Variants in C12orf42 observed in about 807,000 individuals in gnomAD.
The protein encoded by C12orf42 is chromosome 12 open reading frame 42.
In C12orf42, 25 loss-of-function variants were observed where a neutral mutation model predicts 21.6. That is an observed-to-expected ratio of 1.16 (90% CI 0.84 to 1.62). The LOEUF (loss-of-function observed/expected upper bound fraction) is 1.62, where lower values mean the gene tolerates loss of function less well. C12orf42 is among the 40% of genes most tolerant of loss of function. The probability of loss-of-function intolerance (pLI) is 0.00; values close to 1 mark genes in which losing one functional copy is unlikely to be tolerated. For synonymous variants in C12orf42, 174 were observed against 175.0 expected, an observed-to-expected ratio of 0.99 and a Z score of 0.05; for missense variants, 483 against 459.3, an observed-to-expected ratio of 1.05 and a Z score of -0.47.
At chr12:103,437,288 C>CA (rs1950804101) in intron 2 of C12orf42, among the ~76,000 whole-genome samples, 1 of 152,016 alleles carries the variant, frequency 6.6e-6, no homozygotes, top group Non-Finnish European at 1.5e-5. Context: ...CACTAAATGC[C>CA]ACAAGAGAAA....
At chr12:103,262,296 C>T (rs1681536327) in intron 10 of C12orf42, 1 of 152,098 alleles carries the variant, frequency 6.6e-6, no homozygotes, top group Non-Finnish European at 1.5e-5. Flanking sequence ...ATCAAAATGT[C>T]CAATCATAAA....
chr12:103,395,973 C>T (rs1411430235), intron 3 of C12orf42, among the ~76,000 whole-genome samples: 2 of 148,072 alleles, frequency 1.4e-5, no homozygotes, highest in Non-Finnish European at 3.0e-5. Context: ...TGTTTATATA[C>T]TGTTATGGTA....
chr12:103,147,293 CA>C, the C12orf42 span, among the ~76,000 whole-genome samples: 1 of 151,958 alleles, frequency 6.6e-6, no homozygotes, highest in African/African-American at 2.4e-5. Context: ...TTCTAGTTTT[CA>C]TTTTTCTAAG....
chr12:103,507,256 A>AAT, the C12orf42 span, among the ~76,000 whole-genome samples: 20 of 56,874 alleles, frequency 3.5e-4, 3 homozygotes, highest in African/African-American at 2.4e-3. Context: ...ATAATATATA[A>AAT]ATATATAATA....
chr12:103,418,779 T>G (rs2049596126), intron 2 of C12orf42, among the ~76,000 whole-genome samples: 1 of 151,354 alleles, frequency 6.6e-6, no homozygotes, highest in South Asian at 2.1e-4. Context: ...CAGAAAAAAA[T>G]GCTTTTAAAA....
the C12orf42 span, among the ~76,000 whole-genome samples, chr12:103,523,773 A>G: frequency 6.6e-6 from 1 of 151,804 alleles, no homozygotes; most frequent in African/African-American, 2.4e-5. Context: ...ATATATATAT[A>G]TCTTAAACCT....
intron 2 of C12orf42, among the ~76,000 whole-genome samples, chr12:103,425,649 A>G (rs1005135163): frequency 2.0e-5 from 3 of 152,158 alleles, no homozygotes; most frequent in Admixed American, 2.0e-4. Flanking sequence ...CAACATCAAC[A>G]AAAAAGGATG....
At chr12:103,295,948 T>G (rs2037244102) in intron 4 of C12orf42, among the ~76,000 whole-genome samples, 1 of 152,014 alleles carries the variant, frequency 6.6e-6, no homozygotes, top group African/African-American at 2.4e-5. Context: ...TGTGCCATGT[T>G]GGTGTGCTGC....
At chr12:103,149,497 T>A in the C12orf42 span, among the ~76,000 whole-genome samples, 24 of 152,186 alleles carry the variant, frequency 1.6e-4, no homozygotes, top group Non-Finnish European at 3.5e-4. Context: ...ATGGTTTGTG[T>A]CCCCACCCAA....
At chr12:103,238,327 C>T (rs1183472599) in intron 10 of C12orf42, among the ~76,000 whole-genome samples, 1 of 151,924 alleles carries the variant, frequency 6.6e-6, no homozygotes, top group East Asian at 1.9e-4. Context: ...GCCTAAAATA[C>T]TATGATTCTT....
chr12:103,221,987 A>G, the C12orf42 span, among the ~76,000 whole-genome samples: 1 of 152,226 alleles, frequency 6.6e-6, no homozygotes, highest in African/African-American at 2.4e-5. Flanking sequence ...GAGTTTGTGA[A>G]GCAGAAAAGG....
At chr12:103,115,334 C>T in the C12orf42 span, among the ~76,000 whole-genome samples, 1 of 152,136 alleles carries the variant, frequency 6.6e-6, no homozygotes, top group African/African-American at 2.4e-5. Context: ...TTATGAGAGC[C>T]TTTGCCTTTC....
intron 4 of C12orf42, among the ~76,000 whole-genome samples, chr12:103,346,705 C>T (rs77069871): frequency 6.6e-6 from 1 of 152,154 alleles, no homozygotes; most frequent in South Asian, 2.1e-4. Context: ...AGAATCCTTC[C>T]GCAACTGAGT....
intron 4 of C12orf42, among the ~76,000 whole-genome samples, chr12:103,350,218 C>A (rs2042990906): frequency 6.6e-6 from 1 of 152,128 alleles, no homozygotes; most frequent in African/African-American, 2.4e-5. Context: ...ATGGAAAATT[C>A]TGGAAATAAA....
chr12:103,295,095 T>C (rs547333752), intron 4 of C12orf42, among the ~76,000 whole-genome samples: 1 of 152,312 alleles, frequency 6.6e-6, no homozygotes, highest in East Asian at 1.9e-4. Flanking sequence ...GCAAAGGACA[T>C]AATCTCATTC....
At chr12:103,183,777 A>T in the C12orf42 span, among the ~76,000 whole-genome samples, 2 of 152,108 alleles carry the variant, frequency 1.3e-5, no homozygotes, top group Non-Finnish European at 2.9e-5. Context: ...GTTTTTATTT[A>T]GCTCTATGTA....
rs533855378 is a variant in C12orf42 at position 103,480,391 on chromosome 12, T to C, written c.-21-1944A>G. Among the ~76,000 whole-genome samples the C allele has an allele frequency of 3.0e-4, 45 of 151,768 alleles. 1 individual carries two copies. Among genetic ancestry groups the C allele is most frequent in the Admixed American group, 2.6e-3 (39 of 15,250 alleles). ...TTATTAATTTTTTCAAAGCACAAAC[T>C]TTTATATTTGTGGATTCTTTTTATA... On this transcript the variant is annotated intron_variant, in intron 1 of 5. Transcript: ENST00000548883.
chr12:103,080,872 C>T, the C12orf42 span: 13 of 152,084 alleles, frequency 8.5e-5, no homozygotes, highest in South Asian at 2.1e-4. Flanking sequence ...AGTTTTCATA[C>T]GAGAAAACTG....
At chr12:103,065,025 T>C in the C12orf42 span, among the ~76,000 whole-genome samples, 1 of 152,076 alleles carries the variant, frequency 6.6e-6, no homozygotes, top group Admixed American at 6.6e-5. Flanking sequence ...ACTGGTAGGG[T>C]GAGGATTATT....
Sources: gnomAD v4.1 joint callset for allele counts (sites outside exome capture counted in the v4.1 genomes callset) on GRCh38, gnomAD v4.1.1 for gene constraint, MANE v1.5 for transcripts, NCBI Gene and HGNC (gene_info 2026-07-23, HGNC 2026-07-21) for gene names.